The following SYPL2 variants were observed in gnomAD, a reference collection of about 807,000 sequenced individuals.
The protein encoded by SYPL2 is synaptophysin-like protein 2.
SYPL2 carries 24 observed loss-of-function variants against 31.3 expected under a neutral mutation model. The ratio of observed to expected loss-of-function variants is 0.77; its 90% confidence interval spans 0.56 to 1.08. The LOEUF (loss-of-function observed/expected upper bound fraction) is 1.08, where lower values mean the gene tolerates loss of function less well. SYPL2 is among the 50% of genes least tolerant of loss of function. The probability of loss-of-function intolerance (pLI) is 0.00; values close to 1 mark genes in which losing one functional copy is unlikely to be tolerated. For synonymous variants in SYPL2, 144 were observed against 143.1 expected (o/e 1.01, Z -0.05); for missense variants, 342 against 360.1 (o/e 0.95, Z 0.41).
chr1:109,468,044 T>C (rs913720275), intron 2 of SYPL2, among the ~76,000 whole-genome samples: 1 of 152,226 alleles, frequency 6.6e-6, no homozygotes, highest in Non-Finnish European at 1.5e-5. Context: ...CCTGTTACAG[T>C]CTAGTGGAAA....
intron 2 of SYPL2, among the ~76,000 whole-genome samples, chr1:109,468,541 GA>G (rs1459508098): frequency 6.6e-6 from 1 of 152,080 alleles, no homozygotes; most frequent in Non-Finnish European, 1.5e-5. Flanking sequence ...TCCCTGTTCT[GA>G]TCCACCACTC....
chr1:109,472,755 G>A (rs1244670845), intron 2 of SYPL2, among the ~76,000 whole-genome samples: 1 of 151,796 alleles, frequency 6.6e-6, no homozygotes, highest in East Asian at 1.9e-4. Context: ...GGGACTATTA[G>A]CAGGCACCAC....
rs1656035067 is a variant in SYPL2, at chr1:109,477,427, G to A, written c.457-391G>A. ...CCTATCCCAGGCATGCAAGGCGGAAGGGGTGCCTTAAGGGACCCCATTTGC... is the reference window on the plus strand; with the variant it reads ...CCTATCCCAGGCATGCAAGGCGGAAAGGGTGCCTTAAGGGACCCCATTTGC... On this transcript the variant is annotated intron_variant, in intron 4 of 5. Transcript: ENST00000369872. Among the ~76,000 whole-genome samples, 5 of 152,316 alleles carry A rather than the reference G, an allele frequency of 3.3e-5. No homozygotes were observed. In the South Asian group the frequency reaches 1.0e-3, roughly 32 times the overall value.
At position 109,466,578 on chromosome 1, in the gene SYPL2, A is replaced by C; in HGVS notation, c.-266A>C. The stretch of plus-strand genomic sequence containing the variant: ...CGGCCAAGTTCGCTGCGAGTTTGAC[A>C]GAAGTTTGAATCCGAGTCGGGGGCT... On this transcript the variant is annotated 5_prime_UTR_variant, in exon 1 of 6. Transcript: ENST00000369872. 2.5e-6 allele frequency: 1 copy of C among 392,554 alleles called. No homozygotes were observed. Among genetic ancestry groups the C allele is most frequent in the Non-Finnish European group, 4.5e-6 (1 of 222,836 alleles). The allele number at this position is 392,554 out of a possible 1,614,324, so 24.3% of individuals were successfully genotyped here.
rs546793252 is a variant in SYPL2 at position 109,466,927 on chromosome 1, C to T, written c.54+30C>T. ...TCCCTGCGCGCCCAGGACTCTCACCCGCCCCTCTCCACCTAGATGTCGGGC... is the reference window on the plus strand; with the variant it reads ...TCCCTGCGCGCCCAGGACTCTCACCTGCCCCTCTCCACCTAGATGTCGGGC... On this transcript the variant is annotated intron_variant, in intron 1 of 5. Coordinates refer to ENST00000369872, the MANE Select transcript of SYPL2 (RefSeq NM_001040709.2). The T allele has an allele frequency of 3.7e-5, 56 of 1,532,256 alleles. No individual in the cohort carries two copies. In the South Asian group the frequency reaches 6.4e-4, roughly 18 times the overall value. 94.9% of individuals were successfully genotyped at this position (1,532,256 alleles called of 1,614,324 possible). A position where few individuals can be genotyped will look rare whatever the true frequency, so the allele number is the denominator to read the frequency against.
intron 3 of SYPL2, 80 bp downstream of exon 3, chr1:109,475,785 A>G: frequency 6.5e-7 from 1 of 1,538,262 alleles, no homozygotes; most frequent in Non-Finnish European, 8.8e-7. Flanking sequence ...CCTCCTCCAG[A>G]AACCTAAAAA....
At chr1:109,475,855 T>A in intron 3 of SYPL2, 150 bp downstream of exon 3, 1 of 1,188,408 alleles carries the variant, frequency 8.4e-7, no homozygotes, top group Non-Finnish European at 1.2e-6. Context: ...TCCTTTCTGC[T>A]TTTTAGCAAT....
At chr1:109,472,042 TTAAA>T (rs1655851700) in intron 2 of SYPL2, among the ~76,000 whole-genome samples, 1 of 152,134 alleles carries the variant, frequency 6.6e-6, no homozygotes, top group Non-Finnish European at 1.5e-5. Context: ...TAACTTAAAC[TTAAA>T]TAATCAAGCT....
At chr1:109,473,754 G>A (rs554518759) in intron 2 of SYPL2, among the ~76,000 whole-genome samples, 7 of 152,198 alleles carry the variant, frequency 4.6e-5, no homozygotes, top group African/African-American at 1.7e-4. Flanking sequence ...AATTAGCTGG[G>A]CATGGTGGTG....
At chr1:109,474,852 A>C (rs574027191) in intron 2 of SYPL2, among the ~76,000 whole-genome samples, 130 of 152,260 alleles carry the variant, frequency 8.5e-4, no homozygotes, top group Non-Finnish European at 1.1e-3. Flanking sequence ...CCAGTGGGGA[A>C]ACAGTGGAGA....
At position 109,477,947 on chromosome 1, in the gene SYPL2, G is replaced by A; in HGVS notation, c.586G>A (p.Gly196Arg). The A allele has an allele frequency of 6.2e-7, 1 of 1,614,224 alleles. No individual in the cohort carries two copies. Among genetic ancestry groups the A allele is most frequent in the Non-Finnish European group, 8.5e-7 (1 of 1,180,036 alleles). ...GACAGCAGCCATGTCAGTGTGCCAT[G>A]GAGAGGAAGCAGTGTGCAGTGCCGG... ...SLTAAMSVCH[G>R]EEAVCSAGAT... Residue 196 changes from glycine to arginine, a missense_variant, in exon 5 of 6, where the codon GGA becomes AGA. By Grantham distance (125) the Gly-to-Arg change is moderately radical. Coordinates refer to ENST00000369872, the MANE Select transcript of SYPL2 (RefSeq NM_001040709.2).
chr1:109,477,432 G>A (rs1656035206), intron 4 of SYPL2, among the ~76,000 whole-genome samples: 1 of 152,148 alleles, frequency 6.6e-6, no homozygotes, highest in Non-Finnish European at 1.5e-5. Context: ...CGGAAGGGGT[G>A]CCTTAAGGGA....
At chr1:109,477,793 T>C (rs748564248) in intron 4 of SYPL2, 25 bp from the exon 5 acceptor site, 5 of 1,571,666 alleles carry the variant, frequency 3.2e-6, no homozygotes, top group Non-Finnish European at 4.3e-6. Context: ...TCTGAGTGTA[T>C]TTCCCATCCC....
At position 109,478,847 on chromosome 1, in the gene SYPL2, CTT is replaced by C. The variant is rs1036101007; in HGVS notation, c.649-530_649-529del. Among the ~76,000 whole-genome samples, 40 of 152,372 alleles carry C rather than the reference CTT, an allele frequency of 2.6e-4. No individual in the cohort carries two copies. Among genetic ancestry groups the C allele is most frequent in the African/African-American group, 8.9e-4 (37 of 41,586 alleles). On this transcript the variant is annotated intron_variant, in intron 5 of 5. Transcript: ENST00000369872. The surrounding 1 kb of genome is among the most constrained non-coding windows in gnomAD (Gnocchi z 4.0). The stretch of plus-strand genomic sequence containing the variant: ...TTCACTTCTTCATCCATCAATCCGT[CTT>C]GTTTTTAGTGCATTTCAAAGATAAT...
chr1:109,474,424 G>A (rs370074992), intron 2 of SYPL2, among the ~76,000 whole-genome samples: 3 of 147,592 alleles, frequency 2.0e-5, no homozygotes, highest in Non-Finnish European at 3.0e-5. Flanking sequence ...TGCAACCTCC[G>A]CCTCCCGGGT....
chr1:109,479,495 C>T lies in SYPL2; in HGVS notation c.766C>T (p.Gln256Ter), dbSNP rs1475405054. Residue 256 changes from glutamine (Q) to a stop codon, truncating the protein, a stop_gained, in exon 6 of 6, where the codon CAG becomes TAG. Coordinates refer to ENST00000369872, the MANE Select transcript of SYPL2 (RefSeq NM_001040709.2). LOFTEE classifies it high-confidence loss of function. Reference sequence around the variant, plus strand: ...CCAGGACCAGGACCAGGACCAGGGCCAGGGTCCCAGCCAGGAGAGTGCAGC... The same window carrying T: ...CCAGGACCAGGACCAGGACCAGGGCTAGGGTCCCAGCCAGGAGAGTGCAGC... The part of the protein sequence containing the change: ...QDQDQDQDQG[Q>*]GPSQESAAEQ... 6.2e-7 allele frequency: 1 copy of T among 1,614,226 alleles called. No homozygotes were observed. The highest frequency in any genetic ancestry group is 8.5e-7 in the Non-Finnish European group (1 of 1,180,032).
At chr1:109,469,225 A>G (rs1471702385) in intron 2 of SYPL2, among the ~76,000 whole-genome samples, 1 of 152,252 alleles carries the variant, frequency 6.6e-6, no homozygotes, top group African/African-American at 2.4e-5. Context: ...TTGGAGAAGG[A>G]AAAAAGAAAA....
At chr1:109,476,399 C>T (rs1017454033) in intron 3 of SYPL2, among the ~76,000 whole-genome samples, 3 of 152,356 alleles carry the variant, frequency 2.0e-5, no homozygotes, top group South Asian at 2.1e-4. Flanking sequence ...CTTGGCCACT[C>T]TGGGCCTGCA....
In SYPL2 at chr1:109,478,516, T is replaced by C. The variant is rs866447927; in HGVS notation, c.648+507T>C. Among the ~76,000 whole-genome samples the C allele has an allele frequency of 1.3e-5, 2 of 152,208 alleles. No homozygotes were observed. The highest frequency in any genetic ancestry group is 6.5e-5 in the Admixed American group (1 of 15,282). ...TCCCAGTTGTTAGAATGTTGAAATATGTCCATATCCATTGGTAAAGAGCTG... is the reference window on the plus strand; with the variant it reads ...TCCCAGTTGTTAGAATGTTGAAATACGTCCATATCCATTGGTAAAGAGCTG... On this transcript the variant is annotated intron_variant, in intron 5 of 5. Coordinates refer to ENST00000369872, the MANE Select transcript of SYPL2 (RefSeq NM_001040709.2). The surrounding 1 kb of genome is among the most constrained non-coding windows in gnomAD (Gnocchi z 4.0).
Sources: gnomAD v4.1 joint callset for allele counts (sites outside exome capture counted in the v4.1 genomes callset) on GRCh38, gnomAD v4.1.1 for gene constraint, Gnocchi (gnomAD v3.1) non-coding constraint, MANE v1.5 for transcripts, NCBI Gene and HGNC (gene_info 2026-07-23, HGNC 2026-07-21) for gene names.